Variants in CNTNAP5 observed in about 807,000 individuals in gnomAD.
The protein encoded by CNTNAP5 is contactin associated protein family member 5.
In CNTNAP5, 72 loss-of-function variants were observed where a neutral mutation model predicts 150.2. That is an observed-to-expected ratio of 0.48 (90% CI 0.40 to 0.58). The LOEUF is 0.58. Among genes scored for constraint, CNTNAP5 ranks in the 20% least tolerant of loss-of-function variants. CNTNAP5 has a pLI of 0.00. For synonymous variants in CNTNAP5, 672 were observed against 619.8 expected, an observed-to-expected ratio of 1.08 and a Z score of -1.25; for missense variants, 1,636 against 1,626.2, an observed-to-expected ratio of 1.01 and a Z score of -0.10.
chr2:124,837,283 G>A (rs1022567101), intron 19 of CNTNAP5, among the ~76,000 whole-genome samples: 1 of 152,052 alleles, frequency 6.6e-6, no homozygotes, highest in African/African-American at 2.4e-5. Flanking sequence ...TGGGGCATGT[G>A]ACACTAAGTG....
chr2:124,682,984 A>G (rs1679104286), intron 13 of CNTNAP5, among the ~76,000 whole-genome samples: 1 of 152,224 alleles, frequency 6.6e-6, no homozygotes, highest in African/African-American at 2.4e-5. Flanking sequence ...TTTCTTATCT[A>G]TCTAAAGTGA....
At chr2:124,087,600 T>C (rs1682721346) in intron 1 of CNTNAP5, among the ~76,000 whole-genome samples, 1 of 151,814 alleles carries the variant, frequency 6.6e-6, no homozygotes, top group South Asian at 2.1e-4. Flanking sequence ...CGTGGGCCTG[T>C]AGTCCTAGCT....
intron 6 of CNTNAP5, among the ~76,000 whole-genome samples, chr2:124,451,749 C>T (rs1692987079): frequency 6.6e-6 from 1 of 152,050 alleles, no homozygotes; most frequent in African/African-American, 2.4e-5. Context: ...GATCATCCCA[C>T]AAAAGGAGGA....
In CNTNAP5 at chr2:124,917,524, T is replaced by C. The variant is rs973859083; in HGVS notation, c.*3236T>C. 6.6e-6 allele frequency among the ~76,000 whole-genome samples: 1 copy of C among 152,134 alleles called. No individual in the cohort carries two copies. Among genetic ancestry groups the C allele is most frequent in the Admixed American group, 6.6e-5 (1 of 15,260 alleles). ...CCTCTTCTATTTACCCTCTGCTGTA[T>C]GCAGAAGATTTTAAGGATCCTAGCG... On this transcript the variant is annotated 3_prime_UTR_variant, in exon 24 of 24. Transcript: ENST00000682447.
chr2:124,763,614 A>C, intron 14 of CNTNAP5, 58 bp from the exon 15 acceptor site: 1 of 1,541,380 alleles, frequency 6.5e-7, no homozygotes, highest in Non-Finnish European at 8.8e-7. Flanking sequence ...GTCATGGAAA[A>C]GAGTCCCTAG....
At chr2:124,061,929 G>C (rs898657561) in intron 1 of CNTNAP5, among the ~76,000 whole-genome samples, 7 of 152,046 alleles carry the variant, frequency 4.6e-5, no homozygotes, top group Non-Finnish European at 8.8e-5. Flanking sequence ...TATCCAATGA[G>C]CAGGAATCTG....
chr2:124,179,321 G>A (rs1440364256), intron 1 of CNTNAP5, among the ~76,000 whole-genome samples: 1 of 151,912 alleles, frequency 6.6e-6, no homozygotes, highest in Non-Finnish European at 1.5e-5. Flanking sequence ...CACCATGCCC[G>A]GCTAATTTTT....
intron 19 of CNTNAP5, among the ~76,000 whole-genome samples, chr2:124,831,635 A>C (rs996587966): frequency 2.8e-4 from 43 of 151,028 alleles, no homozygotes; most frequent in African/African-American, 1.0e-3. Flanking sequence ...TCTTTCATAT[A>C]TCAGTATTTT....
chr2:124,325,130 T>C (rs1689185976), intron 3 of CNTNAP5, among the ~76,000 whole-genome samples: 1 of 152,166 alleles, frequency 6.6e-6, no homozygotes, highest in Non-Finnish European at 1.5e-5. Flanking sequence ...GAAGCCTTCA[T>C]GAATGGGATT....
chr2:124,042,823 T>TATCTATC (rs1446568779), intron 1 of CNTNAP5, among the ~76,000 whole-genome samples: 1 of 150,364 alleles, frequency 6.7e-6, no homozygotes, highest in African/African-American at 2.5e-5. Context: ...TCTATCTATC[T>TATCTATC]ATCTATCATC....
chr2:124,501,972 GA>G (rs1411812963), intron 7 of CNTNAP5, among the ~76,000 whole-genome samples: 9 of 152,164 alleles, frequency 5.9e-5, no homozygotes, highest in Admixed American at 3.3e-4. Context: ...ACAGGGGCAA[GA>G]ATGATAGAGG....
chr2:124,768,271 A>ATGTG (rs10598326), intron 16 of CNTNAP5, among the ~76,000 whole-genome samples: 25 of 131,316 alleles, frequency 1.9e-4, no homozygotes, highest in African/African-American at 5.9e-4. Flanking sequence ...TACTGTATGT[A>ATGTG]TGTGTGTGTG....
chr2:124,658,241 GTGGGGAGC>G (rs1464580505), intron 13 of CNTNAP5, among the ~76,000 whole-genome samples: 2 of 152,166 alleles, frequency 1.3e-5, no homozygotes, highest in Non-Finnish European at 2.9e-5. Flanking sequence ...GGCTAGGCTT[GTGGGGAGC>G]TGCCCTCTGA....
intron 4 of CNTNAP5, among the ~76,000 whole-genome samples, chr2:124,431,185 C>T (rs570960760): frequency 1.1e-3 from 160 of 152,200 alleles, no homozygotes; most frequent in African/African-American, 3.8e-3. Flanking sequence ...TAAGAGATAA[C>T]CTATGTCCCT....
At chr2:124,358,207 A>G (rs1690078275) in intron 3 of CNTNAP5, among the ~76,000 whole-genome samples, 3 of 152,290 alleles carry the variant, frequency 2.0e-5, no homozygotes, top group Admixed American at 1.3e-4. Context: ...TTTTGGGCTG[A>G]GACAATGGGG....
intron 11 of CNTNAP5, among the ~76,000 whole-genome samples, chr2:124,588,181 T>C (rs58272048): frequency 0.29 from 20,109 of 68,892 alleles, 2,104 homozygotes; most frequent in African/African-American, 0.38. Context: ...TCCTTCCTTC[T>C]TTCTTTCTTT....
chr2:124,121,792 T>G (rs553091380), intron 1 of CNTNAP5, among the ~76,000 whole-genome samples: 10 of 152,162 alleles, frequency 6.6e-5, no homozygotes, highest in Non-Finnish European at 1.0e-4. Context: ...CCCACATTGA[T>G]CTTTCCCTTA....
rs267598858 is a variant in CNTNAP5 at position 124,798,295 on chromosome 2, C to T, written c.3192C>T (p.Phe1064=). Residue 1064 remains phenylalanine (F), a synonymous_variant, in exon 19 of 24, where the codon TTC becomes TTT. Transcript: ENST00000682447. The part of the protein sequence containing the change: ...LLFINSSSQD[F]VVVLLCKNGS... ...TTATCAATTCTTCTTCTCAGGACTT[C>T]GTGGTTGTTCTGCTCTGCAAGAATG... The T allele has an allele frequency of 2.1e-5, 34 of 1,613,278 alleles. No homozygotes were observed. The highest frequency in any genetic ancestry group is 4.5e-5 in the East Asian group (2 of 44,872).
At chr2:124,309,900 G>A (rs1057005117) in intron 3 of CNTNAP5, among the ~76,000 whole-genome samples, 2 of 152,138 alleles carry the variant, frequency 1.3e-5, no homozygotes, top group African/African-American at 2.4e-5. Flanking sequence ...TATCCTAAGG[G>A]CATAACAGGA....
Sources: allele counts gnomAD v4.1 joint callset (sites outside exome capture counted in the v4.1 genomes callset), GRCh38; gene constraint gnomAD v4.1.1; transcripts MANE v1.5; gene names NCBI Gene and HGNC (gene_info 2026-07-23, HGNC 2026-07-21).